Variants in PRKCH observed in about 807,000 individuals in gnomAD.
The protein encoded by PRKCH is protein kinase C eta type.
A neutral mutation model predicts 82.5 loss-of-function variants in PRKCH; 28 were observed. The ratio of observed to expected loss-of-function variants is 0.34; its 90% confidence interval spans 0.25 to 0.47. The LOEUF is 0.47. PRKCH is among the 20% of genes least tolerant of loss of function. The probability of loss-of-function intolerance (pLI) is 1.00; values close to 1 mark genes in which losing one functional copy is unlikely to be tolerated. For synonymous variants in PRKCH, 322 were observed against 327.4 expected (o/e 0.98, Z 0.18); for missense variants, 705 against 881.8 (o/e 0.80, Z 2.54).
chr14:61,262,338 A>G (rs73310567), intron 1 of PRKCH, among the ~76,000 whole-genome samples: 6,212 of 152,218 alleles, frequency 0.041, 436 homozygotes, highest in African/African-American at 0.14. Flanking sequence ...TCATACAACA[A>G]AACACTACTC....
At chr14:61,421,268 G>A (rs1882821292) in intron 2 of PRKCH, among the ~76,000 whole-genome samples, 1 of 151,744 alleles carries the variant, frequency 6.6e-6, no homozygotes, top group South Asian at 2.1e-4. Flanking sequence ...TCAGTTTCAG[G>A]CAATATTGAT....
At chr14:61,356,911 A>T (rs2046157836) in intron 1 of PRKCH, among the ~76,000 whole-genome samples, 1 of 152,136 alleles carries the variant, frequency 6.6e-6, no homozygotes, top group Non-Finnish European at 1.5e-5. Flanking sequence ...CGAACTCCTG[A>T]CTTCAGGTGA....
At chr14:61,409,070 G>A (rs1882117358) in intron 2 of PRKCH, among the ~76,000 whole-genome samples, 1 of 152,210 alleles carries the variant, frequency 6.6e-6, no homozygotes, top group Non-Finnish European at 1.5e-5. Context: ...GCCCACCAGA[G>A]CCAATGTCAT....
At chr14:61,241,484 A>T (rs1428735893) in intron 1 of PRKCH, among the ~76,000 whole-genome samples, 1 of 152,242 alleles carries the variant, frequency 6.6e-6, no homozygotes, top group Non-Finnish European at 1.5e-5. Flanking sequence ...TCCTGTGATC[A>T]TCCCCCATCC....
intron 9 of PRKCH, among the ~76,000 whole-genome samples, chr14:61,475,769 G>T (rs1379200689): frequency 6.6e-6 from 1 of 152,128 alleles, no homozygotes; most frequent in East Asian, 1.9e-4. Flanking sequence ...TTTAAAACAT[G>T]CTATAAAATG....
At chr14:61,304,771 CT>C (rs2045474316) in intron 1 of PRKCH, 1 of 151,730 alleles carries the variant, frequency 6.6e-6, no homozygotes, top group Non-Finnish European at 1.5e-5. Context: ...CTGCAGTGAG[CT>C]GTGACTGCAT....
At chr14:61,497,391 T>G (rs1026760351) in intron 10 of PRKCH, among the ~76,000 whole-genome samples, 1 of 152,212 alleles carries the variant, frequency 6.6e-6, no homozygotes, top group Non-Finnish European at 1.5e-5. Flanking sequence ...GCCCAGAGCC[T>G]GGTATGTAGT....
intron 4 of PRKCH, 102 bp downstream of exon 4, chr14:61,445,828 A>G (rs932839034): frequency 8.0e-7 from 1 of 1,245,084 alleles, no homozygotes; most frequent in Non-Finnish European, 1.2e-6. Context: ...ATTGTGATAA[A>G]TAACTCTCTG....
At position 61,435,704 on chromosome 14, in the gene PRKCH, A is replaced by AAATGAATG. The variant is rs3837626; in HGVS notation, c.428-7376_428-7369dup. Among the ~76,000 whole-genome samples, 541 of 150,674 alleles carry AAATGAATG rather than the reference A, an allele frequency of 3.6e-3. 2 individuals carry two copies. The highest frequency in any genetic ancestry group is 0.012 in the African/African-American group (480 of 40,840). On this transcript the variant is annotated intron_variant, in intron 2 of 13. Transcript: ENST00000332981. Reference sequence around the variant, plus strand: ...ATATCAACAAACCTTATCTCAATATAAATGAATGAATGAATGAATGAATGA... The same window carrying AAATGAATG: ...ATATCAACAAACCTTATCTCAATATAAATGAATGAATGAATGAATGAATGAATGAATGA...
intron 9 of PRKCH, among the ~76,000 whole-genome samples, chr14:61,484,024 G>A (rs1886097426): frequency 6.6e-6 from 1 of 152,184 alleles, no homozygotes; most frequent in South Asian, 2.1e-4. Flanking sequence ...TTGGGTGACA[G>A]AATGAGACCC....
chr14:61,338,832 G>A (rs1364788199), intron 1 of PRKCH, among the ~76,000 whole-genome samples: 1 of 152,072 alleles, frequency 6.6e-6, no homozygotes, highest in African/African-American at 2.4e-5. Flanking sequence ...GACTCCTTCT[G>A]TTGTCATTTG....
At chr14:61,493,874 G>A (rs1332627825) in intron 10 of PRKCH, among the ~76,000 whole-genome samples, 3 of 151,682 alleles carry the variant, frequency 2.0e-5, no homozygotes, top group African/African-American at 7.3e-5. Context: ...AAAGGCATAA[G>A]AGATAATAGC....
chr14:61,200,781 T>TATTA (rs10673038), intron 1 of PRKCH, among the ~76,000 whole-genome samples: 53,473 of 151,898 alleles, frequency 0.35, 10,193 homozygotes, highest in African/African-American at 0.48. Context: ...TCTATTTTAT[T>TATTA]ATTATTATTG....
intron 12 of PRKCH, among the ~76,000 whole-genome samples, chr14:61,542,251 C>G (rs1281761510): frequency 6.6e-6 from 1 of 151,474 alleles, no homozygotes; most frequent in Non-Finnish European, 1.5e-5. Flanking sequence ...AATTGTGCAC[C>G]ATTGCACTCC....
intron 1 of PRKCH, among the ~76,000 whole-genome samples, chr14:61,253,964 TTCCCTCCCTCCCTCCTCCCTCCCTCCC>T (rs1411289830): frequency 4.4e-5 from 6 of 135,554 alleles, no homozygotes; most frequent in African/African-American, 1.7e-4. Flanking sequence ...TCCTTCCTTC[TTCCCTCCCTCCCTCCTCCCTCCCTCCC>T]TCCCTCCCTC....
At chr14:61,523,464 A>G (rs1363893823) in intron 10 of PRKCH, among the ~76,000 whole-genome samples, 1 of 152,144 alleles carries the variant, frequency 6.6e-6, no homozygotes, top group African/African-American at 2.4e-5. Context: ...GTAGTAAGTC[A>G]CAAGCCCAGG....
At chr14:61,391,537 A>C (rs996888098) in intron 2 of PRKCH, among the ~76,000 whole-genome samples, 2 of 152,200 alleles carry the variant, frequency 1.3e-5, no homozygotes, top group Non-Finnish European at 2.9e-5. Flanking sequence ...TTTTGTTTTT[A>C]GCCAGTGTCA....
At chr14:61,464,092 G>T (rs1250635213) in intron 9 of PRKCH, among the ~76,000 whole-genome samples, 1 of 152,168 alleles carries the variant, frequency 6.6e-6, no homozygotes, top group Non-Finnish European at 1.5e-5. Context: ...TCCAGTATTG[G>T]AATTGCTGGA....
At chr14:61,459,493 G>A (rs1884933649) in intron 9 of PRKCH, among the ~76,000 whole-genome samples, 1 of 152,172 alleles carries the variant, frequency 6.6e-6, no homozygotes, top group South Asian at 2.1e-4. Flanking sequence ...AACTGAGGCA[G>A]CCGAGGTGGG....
Sources: allele counts gnomAD v4.1 joint callset (sites outside exome capture counted in the v4.1 genomes callset), GRCh38; gene constraint gnomAD v4.1.1; transcripts MANE v1.5; gene names NCBI Gene and HGNC (gene_info 2026-07-23, HGNC 2026-07-21).